Variants in ROBO2 observed in about 807,000 individuals in gnomAD.
ROBO2 encodes roundabout guidance receptor 2, also known as roundabout homolog 2.
ROBO2 carries 53 observed loss-of-function variants against 160.8 expected under a neutral mutation model. That is an observed-to-expected ratio of 0.33 (90% CI 0.26 to 0.41). The LOEUF is 0.41. ROBO2 is among the 10% of genes least tolerant of loss of function. The pLI is 1.00. For missense variants in ROBO2, 1,577 were observed against 1,722.4 expected (o/e 0.92, Z 1.49); for synonymous variants, 664 against 611.7 (o/e 1.09, Z -1.26).
chr3:77,634,790 T>C, intron 23 of ROBO2, 80 bp from the exon 25 acceptor site: 1 of 1,316,038 alleles, frequency 7.6e-7, no homozygotes, highest in Non-Finnish European at 1.1e-6. Flanking sequence ...TACAGGTTAG[T>C]CATAGTGCAG....
chr3:77,587,932 G>C (rs2094094687), intron 16 of ROBO2, among the ~76,000 whole-genome samples: 1 of 151,994 alleles, frequency 6.6e-6, no homozygotes, highest in Admixed American at 6.6e-5. Flanking sequence ...ACAAGTTTAA[G>C]ACCTATTTAA....
intron 2 of ROBO2, among the ~76,000 whole-genome samples, chr3:76,754,360 A>G (rs997855510): frequency 1.3e-5 from 2 of 152,028 alleles, no homozygotes; most frequent in Middle Eastern, 6.8e-3. Flanking sequence ...GTTATCTGTC[A>G]AAGGTTAACT....
At chr3:76,783,055 A>T in intron 2 of ROBO2, among the ~76,000 whole-genome samples, 1 of 150,424 alleles carries the variant, frequency 6.6e-6, no homozygotes, top group Middle Eastern at 3.4e-3. Flanking sequence ...CATATGTTTT[A>T]CCTTTGTGAT....
chr3:77,491,109 T>C (rs2086051129), intron 4 of ROBO2, among the ~76,000 whole-genome samples: 1 of 152,182 alleles, frequency 6.6e-6, no homozygotes, highest in Non-Finnish European at 1.5e-5. Flanking sequence ...TCTGTCTAGC[T>C]TTGTCTCTCA....
Position 75,908,979 on chromosome 3 carries a change from G to A in ROBO2, c.-14+2019G>A, listed in dbSNP as rs992376809. Among the ~76,000 whole-genome samples, 7 of 152,326 alleles carry A rather than the reference G, an allele frequency of 4.6e-5. No individual in the cohort carries two copies. In the East Asian group the frequency reaches 1.4e-3, roughly 29 times the overall value. On this transcript the variant is annotated intron_variant, in intron 1 of 26. Transcript: ENST00000487694. ...AACCTGCTTTCAGGCTGAACTGCCA[G>A]CTTCGCAGTGAATAGTCTTTCAGAT... is the stretch of plus-strand genomic sequence containing the variant.
chr3:77,031,261 C>T lies in ROBO2; in HGVS notation c.110-66753C>T, dbSNP rs375560271. Among the ~76,000 whole-genome samples, 23 of 151,918 alleles carry T rather than the reference C, an allele frequency of 1.5e-4. No individual in the cohort carries two copies. The East Asian group carries it at 3.3e-3, about 22-fold the overall frequency. On this transcript the variant is annotated intron_variant, in intron 2 of 26. Coordinates refer to the ROBO2 transcript ENST00000487694. ...GATTCCCAATATAACAAGAAATAGCCGTTTTTGTTTGAGATCTTAGAATAG... is the reference window on the plus strand; with the variant it reads ...GATTCCCAATATAACAAGAAATAGCTGTTTTTGTTTGAGATCTTAGAATAG...
intron 2 of ROBO2, among the ~76,000 whole-genome samples, chr3:76,967,780 A>C (rs2149267670): frequency 6.6e-6 from 1 of 152,116 alleles, no homozygotes; most frequent in Middle Eastern, 3.4e-3. Context: ...CCTGGCCTCA[A>C]GTGATTCGCC....
intron 5 of ROBO2, among the ~76,000 whole-genome samples, chr3:77,515,759 G>C (rs2089948911): frequency 6.6e-6 from 1 of 151,658 alleles, no homozygotes; most frequent in African/African-American, 2.4e-5. Context: ...TTGTAATATA[G>C]TTGATGAAAA....
chr3:76,516,037 C>A (rs898520295), intron 2 of ROBO2, among the ~76,000 whole-genome samples: 1 of 152,092 alleles, frequency 6.6e-6, no homozygotes, highest in Non-Finnish European at 1.5e-5. Context: ...TAGATTTAGA[C>A]ATCTAGTGGA....
intron 2 of ROBO2, among the ~76,000 whole-genome samples, chr3:76,219,440 A>G (rs1481036195): frequency 6.6e-6 from 1 of 152,228 alleles, no homozygotes; most frequent in Non-Finnish European, 1.5e-5. Context: ...ACAAAAGGCT[A>G]ATATCCAGAA....
intron 2 of ROBO2, among the ~76,000 whole-genome samples, chr3:76,259,944 G>A (rs921854903): frequency 1.3e-5 from 2 of 151,986 alleles, no homozygotes; most frequent in African/African-American, 4.8e-5. Flanking sequence ...TCATAAGCAG[G>A]GTAAAACCTA....
chr3:77,262,460 G>C (rs1432517244), intron 2 of ROBO2, among the ~76,000 whole-genome samples: 1 of 152,168 alleles, frequency 6.6e-6, no homozygotes, highest in Admixed American at 6.5e-5. Flanking sequence ...TGTACTGGGA[G>C]TTGTGTATTC....
intron 2 of ROBO2, among the ~76,000 whole-genome samples, chr3:76,066,441 G>T (rs2068256585): frequency 6.6e-6 from 1 of 151,956 alleles, no homozygotes; most frequent in South Asian, 2.1e-4. Context: ...ATTAAATTAT[G>T]AAACCAAATA....
rs370886225 is a variant in ROBO2, at chr3:77,221,863, T to C, written c.388+123523T>C. 8.0e-5 allele frequency among the ~76,000 whole-genome samples: 12 copies of C among 149,880 alleles called. 1 individual carries two copies. The highest frequency in any genetic ancestry group is 3.0e-4 in the African/African-American group (12 of 40,570). Reference sequence around the variant, plus strand: ...TTTTCTTTTTCTTTTTCTTTTTTTTTTTTTTTTTGAGACAGAGTCTTGCTC... The same window carrying C: ...TTTTCTTTTTCTTTTTCTTTTTTTTCTTTTTTTTGAGACAGAGTCTTGCTC... On this transcript the variant is annotated intron_variant, in intron 2 of 25. Coordinates refer to ENST00000461745, the Ensembl canonical transcript of ROBO2.
At chr3:77,317,176 G>A (rs1433666921) in intron 2 of ROBO2, 1 of 928,146 alleles carries the variant, frequency 1.1e-6, no homozygotes, top group Non-Finnish European at 1.8e-6. Flanking sequence ...CCTGTAACCC[G>A]GCACTAGAGC....
chr3:76,618,921 T>G (rs975200248), intron 2 of ROBO2, among the ~76,000 whole-genome samples: 3 of 151,810 alleles, frequency 2.0e-5, no homozygotes, highest in Non-Finnish European at 2.9e-5. Context: ...CCAGGAGTAA[T>G]TCAGCACAGA....
chr3:75,992,596 G>A (rs138551949), intron 2 of ROBO2, among the ~76,000 whole-genome samples: 1 of 152,280 alleles, frequency 6.6e-6, no homozygotes, highest in Non-Finnish European at 1.5e-5. Flanking sequence ...TGTGGAGTTG[G>A]AGCCCCCACA....
chr3:77,289,603 A>C (rs142301301), intron 2 of ROBO2, among the ~76,000 whole-genome samples: 5,124 of 151,934 alleles, frequency 0.034, 130 homozygotes, highest in African/African-American at 0.12. Context: ...GACATAAAGT[A>C]AAATTGACGG....
At chr3:77,269,589 A>T (rs1580522101) in intron 2 of ROBO2, among the ~76,000 whole-genome samples, 1 of 149,192 alleles carries the variant, frequency 6.7e-6, no homozygotes, top group South Asian at 2.2e-4. Flanking sequence ...CAATGAAAAC[A>T]TGGTTGGTAA....
Sources: gnomAD v4.1 joint callset for allele counts (sites outside exome capture counted in the v4.1 genomes callset) on GRCh38, gnomAD v4.1.1 for gene constraint, MANE v1.5 for transcripts, NCBI Gene and HGNC (gene_info 2026-07-23, HGNC 2026-07-21) for gene names.